MRPL47: variants seen among roughly 807,000 people sequenced by gnomAD.
MRPL47 encodes large ribosomal subunit protein uL29m.
Under a neutral mutation model 34.0 loss-of-function variants are expected in MRPL47, and 31 were observed. The observed-to-expected ratio is 0.91, with a 90% CI of 0.68 to 1.23. MRPL47 has a LOEUF of 1.23. MRPL47 is among the 50% of genes most tolerant of loss of function. The pLI is 0.00. For missense variants in MRPL47, 328 were observed against 285.8 expected (o/e 1.15, Z -1.07); for synonymous variants, 106 against 101.6 (o/e 1.04, Z -0.26).
At chr3:179,598,436 A>C (rs926759268) in intron 4 of MRPL47, among the ~76,000 whole-genome samples, 8 of 151,924 alleles carry the variant, frequency 5.3e-5, no homozygotes, top group Non-Finnish European at 7.4e-5. Context: ...AAACAAAAAA[A>C]AAAAAACAAA....
rs2108385341 is a variant in MRPL47 at position 179,601,775 on chromosome 3, C to T, written c.260G>A (p.Cys87Tyr). ...ATTACTTTTGTTCCTTAGTTGCTGA[C>T]AGGTCCATGCTGCTCCTATTAAAAT... ...EKVKSGAAWT[C>Y]QQLRNKSNED... Residue 87 changes from cysteine to tyrosine, a missense_variant, in exon 3 of 7, where the codon TGT (cysteine) becomes TAT (tyrosine). Coordinates refer to ENST00000476781, the MANE Select transcript of MRPL47 (RefSeq NM_020409.3). 6.2e-7 allele frequency: 1 copy of T among 1,609,276 alleles called. No homozygotes were observed. Among genetic ancestry groups the T allele is most frequent in the Non-Finnish European group, 8.5e-7 (1 of 1,176,102 alleles).
rs1475433376 is a variant in MRPL47, at chr3:179,601,806, A to G, written c.245-16T>C. ...CATGCTGCTCCTATTAAAATAATAC[A>G]TAACATGAAATAACATTTCTAGCCA... On this transcript the variant is annotated splice_polypyrimidine_tract_variant and intron_variant, in intron 2 of 6. Transcript: ENST00000476781. The G allele has an allele frequency of 2.6e-6, 4 of 1,565,604 alleles. No homozygotes were observed. The highest frequency in any genetic ancestry group is 4.5e-5 in the East Asian group (2 of 44,442).
Position 179,602,735 on chromosome 3 carries a change from A to C in MRPL47, c.161T>G (p.Leu54Ter). The C allele has an allele frequency of 6.2e-7, 1 of 1,612,406 alleles. No individual in the cohort carries two copies. The highest frequency in any genetic ancestry group is 8.5e-7 in the Non-Finnish European group (1 of 1,179,344). Residue 54 changes from leucine (L) to a stop codon, truncating the protein, a stop_gained, in exon 2 of 7, where the codon TTA becomes TGA. Coordinates refer to ENST00000476781, the MANE Select transcript of MRPL47 (RefSeq NM_020409.3). LOFTEE classifies it high-confidence loss of function. ...PNVTSFHQYRLLHTTLSRKGL... is the reference protein window; with the variant it reads ...PNVTSFHQYR ...TTTCCTTGACAATGTGGTATGAAGT[A>C]ATCTATATTGGTGAAAGGATGTCAC...
In MRPL47 at chr3:179,602,736, A is replaced by T; in HGVS notation, c.160T>A (p.Leu54Ile). The T allele has an allele frequency of 6.2e-7, 1 of 1,612,534 alleles. No individual in the cohort carries two copies. Among genetic ancestry groups the T allele is most frequent in the Middle Eastern group, 1.8e-4 (1 of 5,636 alleles). The change falls in exon 2 of 7, where the codon TTA (leucine) becomes ATA (isoleucine). Residue 54 changes from leucine (L) to isoleucine (I), a missense_variant. Physicochemically the swap from Leu to Ile is conservative, Grantham distance 5 (BLOSUM62 2). Coordinates refer to ENST00000476781, the MANE Select transcript of MRPL47 (RefSeq NM_020409.3). ...PNVTSFHQYR[L>I]LHTTLSRKGL... is the part of the protein sequence containing the mutation. The stretch of plus-strand genomic sequence containing the variant: ...TTCCTTGACAATGTGGTATGAAGTA[A>T]TCTATATTGGTGAAAGGATGTCACA...
chr3:179,602,708 C>A lies in MRPL47; in HGVS notation c.188G>T (p.Gly63Val). The A allele has an allele frequency of 2.5e-6, 4 of 1,612,216 alleles. No individual in the cohort carries two copies. Among genetic ancestry groups the A allele is most frequent in the Non-Finnish European group, 3.4e-6 (4 of 1,179,378 alleles). The change falls in exon 2 of 7, where the codon GGA becomes GTA. Residue 63 changes from glycine (G) to valine (V), a missense_variant. Gly to Val is a moderately radical substitution (Grantham distance 109, BLOSUM62 -3). Transcript: ENST00000476781. ...RLLHTTLSRK[G>V]LEEFFDDPKN... ...TGGGTCATCAAAAAATTCTTCTAGT[C>A]CTTTCCTTGACAATGTGGTATGAAG...
At chr3:179,594,922 T>C (rs1718760107) in intron 4 of MRPL47, among the ~76,000 whole-genome samples, 1 of 152,244 alleles carries the variant, frequency 6.6e-6, no homozygotes, top group African/African-American at 2.4e-5. Flanking sequence ...TATCAAATAC[T>C]GCATAAGCAC....
At position 179,588,983 on chromosome 3, in the gene MRPL47, C is replaced by T. The variant is rs759006075; in HGVS notation, c.642G>A (p.Glu214=). ...TCCGTGCTTTGATGCGGGCTCGTTT[C>T]TCACGTTCCAGTCTAGAATAAAAAA... ...YVDHFLRLER[E]KRARIKARKE... The change falls in exon 7 of 7, where the codon GAG becomes GAA. Residue 214 remains glutamate, a synonymous_variant. Transcript: ENST00000476781. 9 of 1,611,352 alleles carry T rather than the reference C, an allele frequency of 5.6e-6. No individual in the cohort carries two copies. Among genetic ancestry groups the T allele is most frequent in the Non-Finnish European group, 7.6e-6 (9 of 1,179,064 alleles).
chr3:179,591,182 T>C lies in MRPL47; in HGVS notation c.629+1462A>G, dbSNP rs150263382. Among the ~76,000 whole-genome samples, 14 of 152,314 alleles carry C rather than the reference T, an allele frequency of 9.2e-5. No individual in the cohort carries two copies. The East Asian group carries it at 2.7e-3, about 29-fold the overall frequency. On this transcript the variant is annotated intron_variant, in intron 6 of 6. Coordinates refer to ENST00000476781, the MANE Select transcript of MRPL47 (RefSeq NM_020409.3). ...TTAAAAGCTGTGGTTCTTGTGCTGC[T>C]ATCGTGCTGCTATGATTTCCCCTTT...
In MRPL47 at chr3:179,601,793, A is replaced by G. The variant is rs1250536556; in HGVS notation, c.245-3T>C. ...TTGCTGACAGGTCCATGCTGCTCCT[A>G]TTAAAATAATACATAACATGAAATA... is the stretch of plus-strand genomic sequence containing the variant. On this transcript the variant is annotated splice_polypyrimidine_tract_variant and splice_region_variant and intron_variant, in intron 2 of 6. Transcript: ENST00000476781. 6.3e-7 allele frequency: 1 copy of G among 1,599,536 alleles called. No individual in the cohort carries two copies. Among genetic ancestry groups the G allele is most frequent in the Non-Finnish European group, 8.6e-7 (1 of 1,169,232 alleles).
Position 179,601,789 on chromosome 3 carries a change from T to C in MRPL47, c.246A>G (p.Gly82=), listed in dbSNP as rs1718932646. 3 of 1,603,100 alleles carry C rather than the reference T, an allele frequency of 1.9e-6. No individual in the cohort carries two copies. The highest frequency in any genetic ancestry group is 2.6e-6 in the Non-Finnish European group (3 of 1,173,170). ...TTAGTTGCTGACAGGTCCATGCTGCTCCTATTAAAATAATACATAACATGA... is the reference window on the plus strand; with the variant it reads ...TTAGTTGCTGACAGGTCCATGCTGCCCCTATTAAAATAATACATAACATGA... The part of the protein sequence containing the change: ...KNWGQEKVKS[G]AAWTCQQLRN... The change falls in exon 3 of 7, where the codon GGA becomes GGG. Residue 82 remains glycine, a splice_region_variant and synonymous_variant. Coordinates refer to ENST00000476781, the MANE Select transcript of MRPL47 (RefSeq NM_020409.3).
rs147586363 is a variant in MRPL47 at position 179,590,039 on chromosome 3, A to G, written c.630-1044T>C. On this transcript the variant is annotated intron_variant, in intron 6 of 6. Transcript: ENST00000476781. ...ATACTGGATTGATACATTCTCATAC[A>G]TTATTTTAAAAGTTATGTCATGGAC... Among the ~76,000 whole-genome samples, 20 of 152,302 alleles carry G rather than the reference A, an allele frequency of 1.3e-4. No individual in the cohort carries two copies. The East Asian group carries it at 3.9e-3, about 29-fold the overall frequency.
In MRPL47 at chr3:179,602,683, T is replaced by C. The variant is rs746928711; in HGVS notation, c.213A>G (p.Pro71=). The C allele has an allele frequency of 2.0e-5, 32 of 1,612,046 alleles. No homozygotes were observed. In the South Asian group the frequency reaches 2.5e-4, roughly 13 times the overall value. ...RKGLEEFFDD[P]KNWGQEKVKS... ...TTACTTTTTCTTGCCCCCAGTTTTT[T>C]GGGTCATCAAAAAATTCTTCTAGTC... The change falls in exon 2 of 7, where the codon CCA becomes CCG. Residue 71 remains proline, a synonymous_variant. Coordinates refer to ENST00000476781, the MANE Select transcript of MRPL47 (RefSeq NM_020409.3).
Position 179,593,826 on chromosome 3 carries a change from T to C in MRPL47, c.472A>G (p.Thr158Ala), listed in dbSNP as rs1718728942. Residue 158 changes from threonine (T) to alanine (A), a missense_variant, in exon 5 of 7, where the codon ACT becomes GCT. Thr to Ala is a moderately conservative substitution (Grantham distance 58). Coordinates refer to ENST00000476781, the MANE Select transcript of MRPL47 (RefSeq NM_020409.3). ...EREDALRLLQ[T>A]GQERARPGAW... ...CCAGGTCTAGCTCTTTCTTGACCAG[T>C]CTGAAGAAGCCTTAGGGCATCTTCT... 1 of 1,613,740 alleles carries C rather than the reference T, an allele frequency of 6.2e-7. No homozygotes were observed.
At chr3:179,599,666 G>T (rs1000577197) in intron 3 of MRPL47, among the ~76,000 whole-genome samples, 3 of 152,206 alleles carry the variant, frequency 2.0e-5, no homozygotes, top group Non-Finnish European at 4.4e-5. Context: ...AGTACCAGAA[G>T]AATTAAGTGG....
Position 179,602,682 on chromosome 3 carries a change from T to G in MRPL47, c.214A>C (p.Lys72Gln). Residue 72 changes from lysine to glutamine, a missense_variant, in exon 2 of 7, where the codon AAA (lysine) becomes CAA (glutamine). Lys to Gln is a moderately conservative substitution (Grantham distance 53, BLOSUM62 1). Coordinates refer to ENST00000476781, the MANE Select transcript of MRPL47 (RefSeq NM_020409.3). ...TTTACTTTTTCTTGCCCCCAGTTTT[T>G]TGGGTCATCAAAAAATTCTTCTAGT... ...KGLEEFFDDP[K>Q]NWGQEKVKSG... is the part of the protein sequence containing the mutation. 2.5e-6 allele frequency: 4 copies of G among 1,612,474 alleles called. No homozygotes were observed. Among genetic ancestry groups the G allele is most frequent in the Non-Finnish European group, 3.4e-6 (4 of 1,179,528 alleles).
At chr3:179,603,970 C>T (rs1452506908) in intron 1 of MRPL47, among the ~76,000 whole-genome samples, 1 of 125,262 alleles carries the variant, frequency 8.0e-6, no homozygotes, top group African/African-American at 3.1e-5. Flanking sequence ...AAAATGTCAA[C>T]AACATTAAGA....
chr3:179,600,898 T>C (rs918542798), intron 3 of MRPL47, among the ~76,000 whole-genome samples: 3 of 152,116 alleles, frequency 2.0e-5, no homozygotes, highest in Admixed American at 2.0e-4. Context: ...ACTTCCCAAT[T>C]TAAAAAACAA....
Position 179,588,856 on chromosome 3 carries a change from T to C in MRPL47, c.*16A>G, listed in dbSNP as rs1344602277. ...TTCAAGAAAAACAAAATGGTAAATT[T>C]AATAGTTCAGACATCTTAGACAAGA... On this transcript the variant is annotated 3_prime_UTR_variant, in exon 7 of 7. Transcript: ENST00000476781. 5 of 1,608,052 alleles carry C rather than the reference T, an allele frequency of 3.1e-6. No individual in the cohort carries two copies. The Admixed American group carries it at 6.9e-5, about 22-fold the overall frequency.
At chr3:179,597,786 C>T (rs750282512) in intron 4 of MRPL47, among the ~76,000 whole-genome samples, 1 of 151,664 alleles carries the variant, frequency 6.6e-6, no homozygotes, top group African/African-American at 2.4e-5. Context: ...CCAGCCTGGA[C>T]AACAAGAGCA....
Sources: gnomAD v4.1 joint callset for allele counts (sites outside exome capture counted in the v4.1 genomes callset) on GRCh38, gnomAD v4.1.1 for gene constraint, MANE v1.5 for transcripts, NCBI Gene and HGNC (gene_info 2026-07-23, HGNC 2026-07-21) for gene names.